The following PCARE variants were observed in gnomAD, a reference collection of about 807,000 sequenced individuals.
PCARE encodes the protein uncharacterized protein C2orf71.
In PCARE, 72 loss-of-function variants were observed where a neutral mutation model predicts 82.2. The ratio of observed to expected loss-of-function variants is 0.88; its 90% CI spans 0.72 to 1.07. PCARE has a LOEUF of 1.07. PCARE is among the 50% of genes least tolerant of loss of function. The pLI, the probability that PCARE is intolerant of heterozygous loss-of-function variation, is 0.00. For missense variants in PCARE, 1,768 were observed against 1,592.4 expected, an observed-to-expected ratio of 1.11 and a Z score of -1.88; for synonymous variants, 705 against 634.8, an observed-to-expected ratio of 1.11 and a Z score of -1.66.
rs200446685 is a variant in PCARE at position 29,066,789 on chromosome 2, CTGAG to C, written c.3669-1726_3669-1723del. 9.3e-3 allele frequency among the ~76,000 whole-genome samples: 1,422 copies of C among 152,360 alleles called. 22 individuals carry two copies. The highest frequency in any genetic ancestry group is 0.032 in the African/African-American group (1,325 of 41,582). ...CCCACTGGGTATCTGATCCAGGAGA[CTGAG>C]TAAGGGCGGCAGAGCGTGCATGCCT... On this transcript the variant is annotated intron_variant, in intron 1 of 1. Transcript: ENST00000331664.
chr2:29,071,484 G>C lies in PCARE; in HGVS notation c.2778C>G (p.Ser926Arg). The C allele has an allele frequency of 6.2e-7, 1 of 1,611,290 alleles. No homozygotes were observed. Among genetic ancestry groups the C allele is most frequent in the Non-Finnish European group, 8.5e-7 (1 of 1,179,950 alleles). ...CGGGGCTTTGGCTGGTGGCTGGTGG[G>C]CTGCTCAGGTCCAGGGCTGGCTTCC... The part of the protein sequence containing the change: ...QPRKPALDLS[S>R]PPATSQSPEV... The change falls in exon 1 of 2, where the codon AGC (serine) becomes AGG (arginine). Residue 926 changes from serine to arginine, a missense_variant. Physicochemically the swap from Ser to Arg is moderately radical, Grantham distance 110. Coordinates refer to ENST00000331664, the MANE Select transcript of PCARE (RefSeq NM_001029883.3).
chr2:29,070,576 C>T lies in PCARE; in HGVS notation c.3668+18G>A, dbSNP rs904535909. 2.5e-6 allele frequency: 4 copies of T among 1,613,876 alleles called. No homozygotes were observed. The Admixed American group carries it at 5.0e-5, about 20-fold the overall frequency. On this transcript the variant is annotated intron_variant, in intron 1 of 1. Transcript: ENST00000331664. ...AGTCCAAGCCGCTGAAGGGCAGTGA[C>T]CCCAGGACACTCCTTACCTGTTCTG...
rs1420546201 is a variant in PCARE, at chr2:29,074,254, C to T, written c.8G>A (p.Cys3Tyr). The change falls in exon 1 of 2, where the codon TGT becomes TAT. Residue 3 changes from cysteine (C) to tyrosine (Y), a missense_variant. By Grantham distance (194) the Cys-to-Tyr change is radical (BLOSUM62 -2). Transcript: ENST00000331664. ...TACAAGGTCACTGTGTGAAGGTGTACACCCCATGATTTCAGCTTGTAGTCA... is the reference window on the plus strand; with the variant it reads ...TACAAGGTCACTGTGTGAAGGTGTATACCCCATGATTTCAGCTTGTAGTCA... MG[C>Y]TPSHSDLVNS... 7.8e-6 allele frequency: 12 copies of T among 1,535,982 alleles called. No homozygotes were observed. In the East Asian group the frequency reaches 1.1e-4, roughly 14 times the overall value.
At chr2:29,066,404 G>C (rs1318843657) in intron 1 of PCARE, among the ~76,000 whole-genome samples, 2 of 152,178 alleles carry the variant, frequency 1.3e-5, no homozygotes, top group Non-Finnish European at 2.9e-5. Context: ...CTCTCAATCA[G>C]TTGCCTCAGG....
At position 29,072,425 on chromosome 2, in the gene PCARE, G is replaced by A. The variant is rs772325487; in HGVS notation, c.1837C>T (p.Arg613Ter). The A allele has an allele frequency of 1.4e-5, 22 of 1,614,026 alleles. No individual in the cohort carries two copies. The highest frequency in any genetic ancestry group is 1.0e-4 in the Admixed American group (6 of 60,002). ...TGACTGAGGTCCCTCTGGACCCTTC[G>A]CAGCTCCTGAAAGGTGGGGTCCTCC... ...HVEDPTFQEL[R>*]RVQRDLSQKL... The change falls in exon 1 of 2, where the codon CGA becomes TGA. Residue 613 changes from arginine to a stop codon, truncating the protein, a stop_gained. Coordinates refer to ENST00000331664, the MANE Select transcript of PCARE (RefSeq NM_001029883.3). LOFTEE classifies it high-confidence loss of function.
Position 29,071,194 on chromosome 2 carries a change from G to A in PCARE, c.3068C>T (p.Pro1023Leu), listed in dbSNP as rs760625195. The change falls in exon 1 of 2, where the codon CCC (proline) becomes CTC (leucine). Residue 1023 changes from proline (P) to leucine (L), a missense_variant. Pro to Leu is a moderately conservative substitution (Grantham distance 98). Coordinates refer to ENST00000331664, the MANE Select transcript of PCARE (RefSeq NM_001029883.3). ...GCTGGGGGGCGTCTGCACAGCAGAG[G>A]GGCTTGGCTGGGCAGGTCTGTAAGA... ...PSSYRPAQPSPSAVQTPPSPP... is the reference protein window; with the variant it reads ...PSSYRPAQPSLSAVQTPPSPP... The A allele has an allele frequency of 2.5e-6, 4 of 1,598,326 alleles. No individual in the cohort carries two copies. The highest frequency in any genetic ancestry group is 3.4e-6 in the Non-Finnish European group (4 of 1,172,210).
At position 29,071,951 on chromosome 2, in the gene PCARE, A is replaced by C; in HGVS notation, c.2311T>G (p.Tyr771Asp). Residue 771 changes from tyrosine (Y) to aspartate (D), a missense_variant, in exon 1 of 2, where the codon TAC becomes GAC. Physicochemically the swap from Tyr to Asp is radical, Grantham distance 160. Transcript: ENST00000331664. ...NCIMPPRFPK[Y>D]TGLAPLYPKP... is the part of the protein sequence containing the mutation. ...GGATACAAAGGGGCAAGCCCTGTGT[A>C]CTTGGGAAATCTGGGGGGCATGATG... is the stretch of plus-strand genomic sequence containing the variant. 1 of 1,614,112 alleles carries C rather than the reference A, an allele frequency of 6.2e-7. No homozygotes were observed. Among genetic ancestry groups the C allele is most frequent in the Non-Finnish European group, 8.5e-7 (1 of 1,179,970 alleles).
rs1300824248 is a variant in PCARE at position 29,072,772 on chromosome 2, A to C, written c.1490T>G (p.Met497Arg). Residue 497 changes from methionine to arginine, a missense_variant, in exon 1 of 2, where the codon ATG (methionine) becomes AGG (arginine). Physicochemically the swap from Met to Arg is moderately conservative, Grantham distance 91. Coordinates refer to ENST00000331664, the MANE Select transcript of PCARE (RefSeq NM_001029883.3). ...SSPEEEEEDK[M>R]SSMSLCAWQE... is the part of the protein sequence containing the mutation. ...CCAGGCACACAGACTCATGCTGCTC[A>C]TTTTGTCTTCCTCCTCCTCCTCTGG... The C allele has an allele frequency of 3.7e-6, 6 of 1,613,640 alleles. No individual in the cohort carries two copies. The East Asian group carries it at 1.3e-4, about 36-fold the overall frequency.
rs1667529100 is a variant in PCARE, at chr2:29,073,407, C to T, written c.855G>A (p.Val285=). The T allele has an allele frequency of 1.2e-6, 2 of 1,613,886 alleles. No homozygotes were observed. Among genetic ancestry groups the T allele is most frequent in the South Asian group, 1.1e-5 (1 of 91,090 alleles). Residue 285 remains valine, a synonymous_variant, in exon 1 of 2, where the codon GTG becomes GTA. Coordinates refer to ENST00000331664, the MANE Select transcript of PCARE (RefSeq NM_001029883.3). ...CCAGGAAGCTGCCGGTGAGCGAGGCCACTGTGCCATTGAGCACCTGCAGCT... is the reference window on the plus strand; with the variant it reads ...CCAGGAAGCTGCCGGTGAGCGAGGCTACTGTGCCATTGAGCACCTGCAGCT... ...VSKLQVLNGT[V]ASLTGSFLEG...
In PCARE at chr2:29,073,421, G is replaced by A; in HGVS notation, c.841C>T (p.Leu281Phe). 5 of 1,614,052 alleles carry A rather than the reference G, an allele frequency of 3.1e-6. No homozygotes were observed. The highest frequency in any genetic ancestry group is 2.2e-5 in the East Asian group (1 of 44,888). ...LQYTVSKLQV[L>F]NGTVASLTGS... ...GTGAGCGAGGCCACTGTGCCATTGA[G>A]CACCTGCAGCTTGCTGACTGTGTAC... Residue 281 changes from leucine (L) to phenylalanine (F), a missense_variant, in exon 1 of 2, where the codon CTC becomes TTC. Coordinates refer to ENST00000331664, the MANE Select transcript of PCARE (RefSeq NM_001029883.3).
In PCARE at chr2:29,074,465, G is replaced by T. The variant is rs955619588; in HGVS notation, c.-204C>A. Among the ~76,000 whole-genome samples the T allele has an allele frequency of 4.1e-5, 6 of 147,068 alleles. No individual in the cohort carries two copies. Among genetic ancestry groups the T allele is most frequent in the African/African-American group, 1.5e-4 (6 of 41,252 alleles). On this transcript the variant is annotated 5_prime_UTR_variant, in exon 1 of 2. Coordinates refer to ENST00000331664, the MANE Select transcript of PCARE (RefSeq NM_001029883.3). ...ATGTGAAGAGGGAGTGGTACCTGTC[G>T]TCCTGTTGTTGTTCTAAGTTTGGAA... is the stretch of plus-strand genomic sequence containing the variant.
In PCARE at chr2:29,071,938, G is replaced by A; in HGVS notation, c.2324C>T (p.Ala775Val). The A allele has an allele frequency of 1.2e-6, 2 of 1,614,204 alleles. No individual in the cohort carries two copies. The highest frequency in any genetic ancestry group is 1.7e-6 in the Non-Finnish European group (2 of 1,180,028). Residue 775 changes from alanine (A) to valine (V), a missense_variant, in exon 1 of 2, where the codon GCC becomes GTC. Ala to Val is a moderately conservative substitution (Grantham distance 64). Transcript: ENST00000331664. ...PPRFPKYTGL[A>V]PLYPKPQISP... ...AATTTGGGGCTTCGGATACAAAGGG[G>A]CAAGCCCTGTGTACTTGGGAAATCT...
At position 29,070,995 on chromosome 2, in the gene PCARE, TGGG is replaced by T. The variant is rs138020654; in HGVS notation, c.3264_3266del (p.Pro1089del). 8,340 of 1,228,920 alleles carry T rather than the reference TGGG, an allele frequency of 6.8e-3. 168 individuals carry two copies. In the African/African-American group the frequency reaches 0.086, roughly 13 times the overall value. 76.1% of individuals were successfully genotyped at this position (1,228,920 alleles called of 1,614,324 possible). A position where few individuals can be genotyped will look rare whatever the true frequency, so the allele number is the denominator to read the frequency against. ...CCTGAGAAGGGGACATTGGGGGTGA[TGGG>T]GAGGGAATCGAGAAAGGGGGGCTTG... On this transcript the variant is annotated inframe_deletion, in exon 1 of 2. Coordinates refer to ENST00000331664, the MANE Select transcript of PCARE (RefSeq NM_001029883.3).
rs759293056 is a variant in PCARE, at chr2:29,070,615, T to A, written c.3647A>T (p.Glu1216Val). The change falls in exon 1 of 2, where the codon GAA becomes GTA. Residue 1216 changes from glutamate to valine, a missense_variant. Coordinates refer to ENST00000331664, the MANE Select transcript of PCARE (RefSeq NM_001029883.3). ...TTACCTGTTCTGGCCGAGCTGGGAT[T>A]CATAAGAGGTGCTGGTGGGGTCCAA... ...PTLDPTSTSY[E>V]SQLGQNSSSE... 1.2e-6 allele frequency: 2 copies of A among 1,614,016 alleles called. No homozygotes were observed. The highest frequency in any genetic ancestry group is 3.3e-5 in the Admixed American group (2 of 60,032).
In PCARE at chr2:29,062,610, T is replaced by C. The variant is rs1667327022; in HGVS notation, c.*2259A>G. The C allele has an allele frequency of 6.6e-6, 1 of 152,274 alleles. No homozygotes were observed. The highest frequency in any genetic ancestry group is 6.5e-5 in the Admixed American group (1 of 15,286). 9.4% of individuals were successfully genotyped at this position (152,274 alleles called of 1,614,324 possible). ...TGACCCCTTCTGTGGTGGAATAATC[T>C]GCCTGGCTCCCTGCTGCCGCTAGCT... On this transcript the variant is annotated 3_prime_UTR_variant, in exon 2 of 2. Coordinates refer to ENST00000331664, the MANE Select transcript of PCARE (RefSeq NM_001029883.3).
In PCARE at chr2:29,070,500, A is replaced by G. The variant is rs871000; in HGVS notation, c.3668+94T>C. Reference sequence around the variant, plus strand: ...CCTCTTCTCTTGGAGCACAGTTTGAAAACTACTGAGACCCAGAAGATCTTT... The same window carrying G: ...CCTCTTCTCTTGGAGCACAGTTTGAGAACTACTGAGACCCAGAAGATCTTT... On this transcript the variant is annotated intron_variant, in intron 1 of 1. Coordinates refer to ENST00000331664, the MANE Select transcript of PCARE (RefSeq NM_001029883.3). 1.9e-3 allele frequency: 3,028 copies of G among 1,554,310 alleles called. 48 individuals carry two copies. In the African/African-American group the frequency reaches 0.034, roughly 17 times the overall value.
Position 29,073,959 on chromosome 2 carries a change from G to T in PCARE, c.303C>A (p.Ser101=), listed in dbSNP as rs1272291118. 3 of 1,614,110 alleles carry T rather than the reference G, an allele frequency of 1.9e-6. No individual in the cohort carries two copies. The highest frequency in any genetic ancestry group is 2.5e-6 in the Non-Finnish European group (3 of 1,180,042). Residue 101 remains serine (S), a synonymous_variant, in exon 1 of 2, where the codon TCC becomes TCA. Transcript: ENST00000331664. ...TGTGGCTTTGTGATTTGTTCAGCTG[G>T]GATGAAGAGGTTTTGGTTCCTGGGA... The part of the protein sequence containing the change: ...GLIPGTKTSS[S]QLNKSQSHMA...
intron 1 of PCARE, among the ~76,000 whole-genome samples, chr2:29,066,539 G>A (rs986553386): frequency 6.6e-6 from 1 of 152,234 alleles, no homozygotes; most frequent in Non-Finnish European, 1.5e-5. Flanking sequence ...GTGAGGTCAG[G>A]CTTACATGGG....
At chr2:29,070,229 G>A (rs190163359) in intron 1 of PCARE, among the ~76,000 whole-genome samples, 6 of 152,082 alleles carry the variant, frequency 3.9e-5, no homozygotes, top group Admixed American at 6.5e-5. Flanking sequence ...TTTAAGCCCC[G>A]CATGCATTAG....
Sources: gnomAD v4.1 joint callset for allele counts (sites outside exome capture counted in the v4.1 genomes callset) on GRCh38, gnomAD v4.1.1 for gene constraint, MANE v1.5 for transcripts, NCBI Gene and HGNC (gene_info 2026-07-23, HGNC 2026-07-21) for gene names.